PLPP1: variants seen among roughly 807,000 people sequenced by gnomAD.
PLPP1 encodes phospholipid phosphatase 1, also known as lipid phosphate phosphohydrolase 1a.
PLPP1 carries 24 observed loss-of-function variants against 31.2 expected under a neutral mutation model. The observed-to-expected ratio is 0.77, with a 90% CI of 0.56 to 1.08. The LOEUF (loss-of-function observed/expected upper bound fraction) is 1.08, where lower values mean the gene tolerates loss of function less well. Ranked by LOEUF, PLPP1 falls within the 50% of genes least tolerant of loss-of-function variation. PLPP1 has a pLI of 0.00. For missense variants in PLPP1, 319 were observed against 342.7 expected (o/e 0.93, Z 0.55); for synonymous variants, 146 against 126.3 (o/e 1.16, Z -1.05).
At chr5:55,484,433 C>T (rs995110618) in intron 1 of PLPP1, 15 of 152,050 alleles carry the variant, frequency 9.9e-5, no homozygotes, top group Non-Finnish European at 2.1e-4. Context: ...ACAATAGAAA[C>T]CCATATTAGA....
chr5:55,443,192 A>AAAAAAAAAAAAAATATATATAT, intron 3 of PLPP1, among the ~76,000 whole-genome samples: 9 of 25,436 alleles, frequency 3.5e-4, no homozygotes, highest in Non-Finnish European at 5.2e-4. Context: ...AAAAAAAAAA[A>AAAAAAAAAAAAAATATATATAT]ATATATATAT....
intron 3 of PLPP1, among the ~76,000 whole-genome samples, chr5:55,443,563 T>C (rs767987576): frequency 2.0e-5 from 3 of 152,116 alleles, no homozygotes; most frequent in African/African-American, 4.8e-5. Flanking sequence ...CAAGCCAACA[T>C]ATCCATAATC....
intron 1 of PLPP1, among the ~76,000 whole-genome samples, chr5:55,482,277 C>T (rs941630809): frequency 5.9e-5 from 9 of 151,266 alleles, no homozygotes; most frequent in African/African-American, 2.2e-4. Context: ...CCCCCCTCAC[C>T]CCCGAAAAAC....
intron 1 of PLPP1, among the ~76,000 whole-genome samples, chr5:55,495,964 T>A (rs1319290418): frequency 6.6e-6 from 1 of 152,062 alleles, no homozygotes; most frequent in Non-Finnish European, 1.5e-5. Flanking sequence ...TTCAAGTGAT[T>A]CTCCGACTTC....
chr5:55,477,880 T>C (rs890690416), intron 1 of PLPP1, among the ~76,000 whole-genome samples: 2 of 151,746 alleles, frequency 1.3e-5, no homozygotes, highest in African/African-American at 4.8e-5. Context: ...CTTAGGAGGC[T>C]GAGGCAGGAG....
At chr5:55,506,322 G>C (rs780892312) in intron 1 of PLPP1, among the ~76,000 whole-genome samples, 1 of 147,002 alleles carries the variant, frequency 6.8e-6, no homozygotes, top group Non-Finnish European at 1.5e-5. Context: ...CAAACTCAGA[G>C]ACACTAAGTA....
intron 1 of PLPP1, among the ~76,000 whole-genome samples, chr5:55,526,555 G>C (rs1740439766): frequency 6.6e-6 from 1 of 151,824 alleles, no homozygotes; most frequent in South Asian, 2.1e-4. Flanking sequence ...TCTGTGACTA[G>C]AATAGAGAAA....
At chr5:55,445,540 T>C (rs899193704) in intron 3 of PLPP1, among the ~76,000 whole-genome samples, 76 of 6,478 alleles carry the variant, frequency 0.012, no homozygotes, top group African/African-American at 0.02. Flanking sequence ...TCACTCTTTT[T>C]TTTTTTTTTT....
intron 2 of PLPP1, chr5:55,468,415 A>C: frequency 3.3e-6 from 1 of 304,928 alleles, no homozygotes; most frequent in Non-Finnish European, 6.1e-6. Flanking sequence ...AAATAACAAG[A>C]TCTTATTTTT....
At chr5:55,443,150 CCAGTGGGTGGG>C (rs897695053) in intron 3 of PLPP1, among the ~76,000 whole-genome samples, 1 of 127,066 alleles carries the variant, frequency 7.9e-6, no homozygotes, top group Non-Finnish European at 1.6e-5. Context: ...TTGGCAGCTG[CCAGTGGGTGGG>C]AAAGAAAGGA....
intron 1 of PLPP1, among the ~76,000 whole-genome samples, chr5:55,507,262 CAT>C (rs1258665756): frequency 2.0e-5 from 3 of 152,322 alleles, no homozygotes; most frequent in South Asian, 2.1e-4. Context: ...TCATTTGGCA[CAT>C]GTTTCATGTC....
chr5:55,500,229 G>A lies in PLPP1; in HGVS notation c.59-24779C>T, dbSNP rs554820443. On this transcript the variant is annotated intron_variant, in intron 1 of 5. Coordinates refer to ENST00000307259, the MANE Select transcript of PLPP1 (RefSeq NM_003711.4). Reference sequence around the variant, plus strand: ...CGAGTAGCTGGGACTACAGGCGCCCGCCACCACGCCCAGCTAATTTTTTGT... The same window carrying A: ...CGAGTAGCTGGGACTACAGGCGCCCACCACCACGCCCAGCTAATTTTTTGT... Among the ~76,000 whole-genome samples the A allele has an allele frequency of 1.9e-4, 29 of 151,906 alleles. No individual in the cohort carries two copies. In the South Asian group the frequency reaches 2.5e-3, roughly 13 times the overall value.
intron 1 of PLPP1, chr5:55,490,945 T>C: frequency 6.2e-7 from 1 of 1,601,892 alleles, no homozygotes; most frequent in Non-Finnish European, 8.5e-7. Context: ...ACTACCTACT[T>C]ATTAATTTAC....
At chr5:55,532,640 C>G (rs1269226645) in intron 1 of PLPP1, among the ~76,000 whole-genome samples, 1 of 152,070 alleles carries the variant, frequency 6.6e-6, no homozygotes, top group Non-Finnish European at 1.5e-5. Context: ...TAAGTCCCGA[C>G]ATCTGAAAGG....
At chr5:55,511,809 G>A (rs1364541723) in intron 1 of PLPP1, among the ~76,000 whole-genome samples, 2 of 151,016 alleles carry the variant, frequency 1.3e-5, no homozygotes, top group Non-Finnish European at 3.0e-5. Flanking sequence ...GACTGCAGGC[G>A]CCGGCTACCA....
chr5:55,442,700 AT>A (rs1579925903), intron 3 of PLPP1, among the ~76,000 whole-genome samples: 1 of 151,904 alleles, frequency 6.6e-6, no homozygotes, highest in East Asian at 1.9e-4. Flanking sequence ...CTTGCCTTAC[AT>A]TTCCCACCAA....
intron 4 of PLPP1, among the ~76,000 whole-genome samples, chr5:55,440,110 T>C (rs1328510602): frequency 6.6e-6 from 1 of 152,186 alleles, no homozygotes; most frequent in Non-Finnish European, 1.5e-5. Context: ...ATAAAAGTAG[T>C]GTAAAATGCA....
chr5:55,520,955 T>C (rs1273841733), intron 1 of PLPP1, among the ~76,000 whole-genome samples: 1 of 152,194 alleles, frequency 6.6e-6, no homozygotes, highest in Non-Finnish European at 1.5e-5. Flanking sequence ...CTCACACCTG[T>C]AATCCCAGCA....
intron 3 of PLPP1, among the ~76,000 whole-genome samples, chr5:55,451,094 T>C (rs1751882234): frequency 6.6e-6 from 1 of 152,048 alleles, no homozygotes; most frequent in South Asian, 2.1e-4. Context: ...CTGCAGATAA[T>C]GAAATCATCA....
Sources: allele counts gnomAD v4.1 joint callset (sites outside exome capture counted in the v4.1 genomes callset), GRCh38; gene constraint gnomAD v4.1.1; transcripts MANE v1.5; gene names NCBI Gene and HGNC (gene_info 2026-07-23, HGNC 2026-07-21).